Variants in DCLK3 observed in about 807,000 individuals in gnomAD.
DCLK3 encodes serine/threonine-protein kinase DCLK3.
A neutral mutation model predicts 46.4 loss-of-function variants in DCLK3; 30 were observed. The observed-to-expected ratio is 0.65, with a 90% CI of 0.48 to 0.88. The LOEUF (loss-of-function observed/expected upper bound fraction) is 0.88. Ranked by LOEUF, DCLK3 falls within the 40% of genes least tolerant of loss-of-function variation. The pLI is 0.00. For missense variants in DCLK3, 846 were observed against 907.1 expected (o/e 0.93, Z 0.87); for synonymous variants, 401 against 339.2 (o/e 1.18, Z -2.00).
At chr3:36,758,523 G>GTTCC (rs1432032036) in intron 1 of DCLK3, among the ~76,000 whole-genome samples, 1 of 152,194 alleles carries the variant, frequency 6.6e-6, no homozygotes, top group Non-Finnish European at 1.5e-5. Flanking sequence ...GTTGGTTCCT[G>GTTCC]TTCCTTCCAC....
Position 36,738,200 on chromosome 3 carries a change from G to T in DCLK3, c.967C>A (p.Arg323Ser). Residue 323 changes from arginine (R) to serine (S), a missense_variant, in exon 2 of 5, where the codon CGT (arginine) becomes AGT (serine). This residue lies in a region of DCLK3 where 553 missense variants were observed against 543.0 expected (regional missense o/e 1.02). Coordinates refer to ENST00000636136, the MANE Select transcript of DCLK3 (RefSeq NM_001394672.2). ...RERELQQSLE[R>S]ERLSLGTSEL... is the part of the protein sequence containing the mutation. The stretch of plus-strand genomic sequence containing the variant: ...CTGGTCCCCAGAGAAAGCCTCTCAC[G>T]CTCCAGGCTCTGCTGGAGCTCCCTC... 2.5e-6 allele frequency: 4 copies of T among 1,611,704 alleles called. No homozygotes were observed. Among genetic ancestry groups the T allele is most frequent in the African/African-American group, 1.3e-5 (1 of 74,812 alleles).
intron 2 of DCLK3, among the ~76,000 whole-genome samples, chr3:36,733,807 A>G (rs1299435730): frequency 1.3e-5 from 2 of 152,172 alleles, no homozygotes; most frequent in Non-Finnish European, 2.9e-5. Flanking sequence ...TAGGCCTAAA[A>G]TTTTACTCTA....
In DCLK3 at chr3:36,738,621, C is replaced by T. The variant is rs1701305005; in HGVS notation, c.546G>A (p.Val182=). ...TGTTGGGGTACAGTTCTTCTACAGC[C>T]ACCTGAATGCTCTTCAGTGTCAGTG... The part of the protein sequence containing the change: ...KEPLTLKSIQ[V]AVEELYPNKA... The change falls in exon 2 of 5, where the codon GTG becomes GTA. Residue 182 remains valine (V), a synonymous_variant. Coordinates refer to ENST00000636136, the MANE Select transcript of DCLK3 (RefSeq NM_001394672.2). 2.2e-6 allele frequency: 3 copies of T among 1,362,562 alleles called. No homozygotes were observed. Among genetic ancestry groups the T allele is most frequent in the East Asian group, 2.8e-5 (1 of 36,254 alleles). 84.4% of individuals were successfully genotyped at this position (1,362,562 alleles called of 1,614,324 possible).
At chr3:36,718,540 C>G (rs953764985) in intron 3 of DCLK3, among the ~76,000 whole-genome samples, 5 of 152,242 alleles carry the variant, frequency 3.3e-5, no homozygotes, top group African/African-American at 4.8e-5. Flanking sequence ...ACAGCACATA[C>G]ATCAGTTCAG....
At chr3:36,753,339 A>G (rs1701459849) in intron 1 of DCLK3, among the ~76,000 whole-genome samples, 1 of 152,206 alleles carries the variant, frequency 6.6e-6, no homozygotes, top group Non-Finnish European at 1.5e-5. Flanking sequence ...TAACATGCTC[A>G]CTTAAGACTA....
chr3:36,731,977 G>A (rs913367907), intron 2 of DCLK3, among the ~76,000 whole-genome samples: 3 of 152,152 alleles, frequency 2.0e-5, no homozygotes, highest in Admixed American at 6.5e-5. Flanking sequence ...AGACTTTTAA[G>A]AAAGTTAATC....
intron 4 of DCLK3, among the ~76,000 whole-genome samples, chr3:36,717,333 C>T (rs1340605418): frequency 6.6e-6 from 1 of 152,158 alleles, no homozygotes; most frequent in African/African-American, 2.4e-5. Flanking sequence ...CTCCTGGTCT[C>T]AAGCAATCCT....
chr3:36,722,053 T>C (rs1382047559), intron 2 of DCLK3, among the ~76,000 whole-genome samples: 2 of 152,216 alleles, frequency 1.3e-5, no homozygotes, highest in Non-Finnish European at 2.9e-5. Context: ...CAGAAAGGGC[T>C]ATTAGACAGC....
intron 1 of DCLK3, among the ~76,000 whole-genome samples, chr3:36,756,728 G>T (rs148004965): frequency 1.3e-5 from 2 of 152,114 alleles, no homozygotes; most frequent in East Asian, 3.9e-4. Context: ...TTCCTGTAGG[G>T]TGCCTTGGAC....
intron 1 of DCLK3, among the ~76,000 whole-genome samples, chr3:36,754,364 G>T (rs1176361717): frequency 1.3e-5 from 2 of 152,024 alleles, no homozygotes; most frequent in Non-Finnish European, 2.9e-5. Context: ...ACTGATTTTG[G>T]TTTTCTTAAC....
chr3:36,738,689 A>T lies in DCLK3; in HGVS notation c.478T>A (p.Phe160Ile). The T allele has an allele frequency of 7.5e-7, 1 of 1,324,828 alleles. No homozygotes were observed. Among genetic ancestry groups the T allele is most frequent in the Non-Finnish European group, 9.7e-7 (1 of 1,029,784 alleles). The allele number at this position is 1,324,828 out of a possible 1,614,324, so 82.1% of individuals were successfully genotyped here. The part of the protein sequence containing the change: ...KGREIRSVSD[F>I]FREGDAFIAM... ...ATGAAAGCATCCCCTTCCCTGAAGA[A>T]ATCAGAGACGCTCCTGATTTCCCTG... is the stretch of plus-strand genomic sequence containing the variant. The change falls in exon 2 of 5, where the codon TTC (phenylalanine) becomes ATC (isoleucine). Residue 160 changes from phenylalanine to isoleucine, a missense_variant. Physicochemically the swap from Phe to Ile is conservative, Grantham distance 21. Transcript: ENST00000636136.
At position 36,737,563 on chromosome 3, in the gene DCLK3, T is replaced by C; in HGVS notation, c.1604A>G (p.Asn535Ser). ...TCTGCACTCCTTCACGACAGCAAAG[T>C]TCCCATCCCCAATGACCCGGCCAGT... The part of the protein sequence containing the change: ...YETGRVIGDG[N>S]FAVVKECRHR... Residue 535 changes from asparagine (N) to serine (S), a missense_variant, in exon 2 of 5, where the codon AAC becomes AGC. Asn to Ser is a conservative substitution (Grantham distance 46). Around this residue, in one of 3 missense-constraint regions of DCLK3, gnomAD observed 553 missense variants for 543.0 expected, o/e 1.02. Coordinates refer to ENST00000636136, the MANE Select transcript of DCLK3 (RefSeq NM_001394672.2). The surrounding 1 kb of genome is among the most constrained non-coding windows in gnomAD (Gnocchi z 4.4). The C allele has an allele frequency of 6.2e-7, 1 of 1,614,098 alleles. No individual in the cohort carries two copies. Among genetic ancestry groups the C allele is most frequent in the Non-Finnish European group, 8.5e-7 (1 of 1,180,010 alleles).
intron 1 of DCLK3, among the ~76,000 whole-genome samples, chr3:36,761,033 A>G (rs184249800): frequency 6.6e-6 from 1 of 152,198 alleles, no homozygotes; most frequent in African/African-American, 2.4e-5. Context: ...ACACTACATG[A>G]CACCCTGCCC....
At chr3:36,735,620 CT>C (rs1701252395) in intron 2 of DCLK3, among the ~76,000 whole-genome samples, 1 of 152,234 alleles carries the variant, frequency 6.6e-6, no homozygotes, top group South Asian at 2.1e-4. Flanking sequence ...GTGTAAATCC[CT>C]TCCCCCACCT....
Position 36,738,051 on chromosome 3 carries a change from G to A in DCLK3, c.1116C>T (p.His372=), listed in dbSNP as rs1302475726. ...GAGTGGGATTCCTGGGGCTGCTCCT[G>A]TGGCTGTCACCCTTCCACCCTTCCT... ...SGEEGWKGDS[H]RSSPRNPTQE... The change falls in exon 2 of 5, where the codon CAC becomes CAT. Residue 372 remains histidine (H), a synonymous_variant. Transcript: ENST00000636136. The A allele has an allele frequency of 6.2e-7, 1 of 1,613,948 alleles. No homozygotes were observed. The highest frequency in any genetic ancestry group is 8.5e-7 in the Non-Finnish European group (1 of 1,179,960).
rs1256848382 is a variant in DCLK3, at chr3:36,713,518, G to A, written c.*1810C>T. On this transcript the variant is annotated 3_prime_UTR_variant, in exon 5 of 5. Coordinates refer to ENST00000636136, the MANE Select transcript of DCLK3 (RefSeq NM_001394672.2). ...GGCAGCACCCACTCCTCAGGGGTCT[G>A]AGTCCCTGCTCCACAGGGCCCCTTC... is the stretch of plus-strand genomic sequence containing the variant. The A allele has an allele frequency of 1.3e-5, 2 of 152,232 alleles. No homozygotes were observed. Among genetic ancestry groups the A allele is most frequent in the African/African-American group, 4.8e-5 (2 of 41,454 alleles). 9.4% of individuals were successfully genotyped at this position (152,232 alleles called of 1,614,324 possible). A position where few individuals can be genotyped will look rare whatever the true frequency, so the allele number is the denominator to read the frequency against.
chr3:36,731,025 G>A (rs1173440554), intron 2 of DCLK3, among the ~76,000 whole-genome samples: 5 of 152,022 alleles, frequency 3.3e-5, no homozygotes, highest in East Asian at 1.9e-4. Flanking sequence ...GACCTTCCAG[G>A]CCATGGAAAT....
In DCLK3 at chr3:36,737,304, G is replaced by A. The variant is rs913671079; in HGVS notation, c.1863C>T (p.Pro621=). 1.4e-5 allele frequency: 22 copies of A among 1,614,120 alleles called. No individual in the cohort carries two copies. In the Middle Eastern group the frequency reaches 4.9e-4, roughly 36 times the overall value. ...AGTCCATGATCATGAGGGCAGCATCGGGCTCCGGGAACTTCACACTTTCTA... is the reference window on the plus strand; with the variant it reads ...AGTCCATGATCATGAGGGCAGCATCAGGCTCCGGGAACTTCACACTTTCTA... ...AIIESVKFPE[P]DAALMIMDLC... is the part of the protein sequence containing the mutation. The change falls in exon 2 of 5, where the codon CCC becomes CCT. Residue 621 remains proline (P), a synonymous_variant. Transcript: ENST00000636136. The surrounding 1 kb of genome is among the most constrained non-coding windows in gnomAD (Gnocchi z 4.4).
At chr3:36,741,727 A>G (rs895683771) in intron 1 of DCLK3, among the ~76,000 whole-genome samples, 3 of 152,328 alleles carry the variant, frequency 2.0e-5, no homozygotes, top group Non-Finnish European at 1.5e-5. Context: ...GGAGAGGAAG[A>G]CACTGGTAAC....
Sources: allele counts gnomAD v4.1 joint callset (sites outside exome capture counted in the v4.1 genomes callset), GRCh38; gene constraint gnomAD v4.1.1; regional missense constraint gnomAD v4.1.1; non-coding constraint Gnocchi (gnomAD v3.1); transcripts MANE v1.5; gene names NCBI Gene and HGNC (gene_info 2026-07-23, HGNC 2026-07-21).